Variants in RHEB observed in about 807,000 individuals in gnomAD.
The protein encoded by RHEB is GTP-binding protein Rheb.
RHEB carries 2 observed loss-of-function variants against 28.8 expected under a neutral mutation model. The observed-to-expected ratio is 0.07, with a 90% confidence interval of 0.03 to 0.22. The LOEUF is 0.22. RHEB is among the 10% of genes least tolerant of loss of function. The pLI, the probability that RHEB is intolerant of heterozygous loss-of-function variation, is 1.00. For missense variants in RHEB, 76 were observed against 219.9 expected (o/e 0.35, Z 4.14); for synonymous variants, 69 against 77.3 (o/e 0.89, Z 0.56).
At position 151,519,885 on chromosome 7, in the gene RHEB, A is replaced by T. The variant is rs1407119500; in HGVS notation, c.-374T>A. 1.1e-5 allele frequency: 2 copies of T among 184,772 alleles called. No homozygotes were observed. Among genetic ancestry groups the T allele is most frequent in the Non-Finnish European group, 2.2e-5 (2 of 89,204 alleles). 11.4% of individuals were successfully genotyped at this position (184,772 alleles called of 1,614,324 possible). On this transcript the variant is annotated 5_prime_UTR_variant, in exon 1 of 8. An upstream start codon of the reference 5' UTR is lost. Transcript: ENST00000262187. ...AGTCACGACTGAAACTCGCTGCGTC[A>T]TGACCCTCCCACCTTCTTCCGCCGC...
intron 3 of RHEB, among the ~76,000 whole-genome samples, chr7:151,482,784 T>C (rs1802401423): frequency 6.6e-6 from 1 of 152,150 alleles, no homozygotes; most frequent in Admixed American, 6.5e-5. Flanking sequence ...GTTTAGGCAA[T>C]AAATTATATA....
At chr7:151,506,590 T>C (rs1802884184) in intron 1 of RHEB, among the ~76,000 whole-genome samples, 1 of 152,166 alleles carries the variant, frequency 6.6e-6, no homozygotes, top group Admixed American at 6.5e-5. Context: ...TAGGCAGAAA[T>C]AATCCGCTTA....
Position 151,472,669 on chromosome 7 carries a change from C to T in RHEB, c.276-1064G>A, listed in dbSNP as rs577720842. Among the ~76,000 whole-genome samples the T allele has an allele frequency of 2.0e-5, 3 of 152,224 alleles. No homozygotes were observed. Among genetic ancestry groups the T allele is most frequent in the Admixed American group, 6.5e-5 (1 of 15,296 alleles). ...CAGACATCCTATCTCGCATGTGTGT[C>T]GTTTTACTGTTTGTCTCCCACACCA... On this transcript the variant is annotated intron_variant, in intron 4 of 7. Coordinates refer to ENST00000262187, the MANE Select transcript of RHEB (RefSeq NM_005614.4). This position sits in a 1 kb window ranked among gnomAD's most constrained non-coding sequence, Gnocchi z 5.2.
intron 1 of RHEB, among the ~76,000 whole-genome samples, chr7:151,492,838 ATTTTT>A (rs538597333): frequency 1.6e-5 from 2 of 125,180 alleles, no homozygotes; most frequent in African/African-American, 3.0e-5. Context: ...AATTCTCAAC[ATTTTT>A]TTTTTTTTTT....
At chr7:151,498,739 G>C (rs1031309079) in intron 1 of RHEB, among the ~76,000 whole-genome samples, 2 of 152,150 alleles carry the variant, frequency 1.3e-5, no homozygotes, top group Admixed American at 1.3e-4. Flanking sequence ...CCTCCAGCTC[G>C]GTTACACATT....
chr7:151,496,133 A>C (rs551144674), intron 1 of RHEB, among the ~76,000 whole-genome samples: 1 of 152,264 alleles, frequency 6.6e-6, no homozygotes, highest in Non-Finnish European at 1.5e-5. Context: ...CACCACCTCA[A>C]ATTCACAACA....
At chr7:151,509,688 G>A (rs551906300) in intron 1 of RHEB, among the ~76,000 whole-genome samples, 1 of 152,160 alleles carries the variant, frequency 6.6e-6, no homozygotes, top group East Asian at 1.9e-4. Context: ...GCCAAATTTG[G>A]CCTACAGCCT....
chr7:151,480,209 G>A (rs938308352), intron 3 of RHEB, among the ~76,000 whole-genome samples: 5 of 152,056 alleles, frequency 3.3e-5, no homozygotes, highest in Admixed American at 2.6e-4. Flanking sequence ...ACAACGTCCG[G>A]GATGTTCATT....
chr7:151,488,609 G>A (rs544444058), intron 2 of RHEB, among the ~76,000 whole-genome samples: 1 of 152,124 alleles, frequency 6.6e-6, no homozygotes, highest in Non-Finnish European at 1.5e-5. Context: ...TCAGAAGTGT[G>A]GTAAGTAGAA....
intron 3 of RHEB, among the ~76,000 whole-genome samples, chr7:151,477,689 C>T (rs1034790386): frequency 6.6e-6 from 1 of 152,208 alleles, no homozygotes; most frequent in Non-Finnish European, 1.5e-5. Flanking sequence ...ATGGATGGAA[C>T]ACAAAAATCA....
chr7:151,518,405 C>T lies in RHEB; in HGVS notation c.52+1055G>A, dbSNP rs1040293971. ...TCCGCAATCACGGGAGCCTCGGAAC[C>T]CTCGCTTTCACCTCCCCATCCCCTC... On this transcript the variant is annotated intron_variant, in intron 1 of 7. Transcript: ENST00000262187. 3.9e-5 allele frequency among the ~76,000 whole-genome samples: 6 copies of T among 152,258 alleles called. No homozygotes were observed. In the East Asian group the frequency reaches 5.8e-4, roughly 15 times the overall value.
At chr7:151,477,201 G>C in intron 4 of RHEB, 132 bp downstream of exon 4, 1 of 667,772 alleles carries the variant, frequency 1.5e-6, no homozygotes, top group Non-Finnish European at 2.6e-6. Context: ...GTTGCTCCAC[G>C]AGAAAATCAC....
At chr7:151,516,232 G>A (rs547870909) in intron 1 of RHEB, among the ~76,000 whole-genome samples, 15 of 152,176 alleles carry the variant, frequency 9.9e-5, no homozygotes, top group Non-Finnish European at 1.9e-4. Context: ...AAAAGTACAG[G>A]GGACTGGCAG....
chr7:151,474,304 C>T (rs1441923231), intron 4 of RHEB, among the ~76,000 whole-genome samples: 1 of 152,038 alleles, frequency 6.6e-6, no homozygotes, highest in African/African-American at 2.4e-5. Context: ...CCTCAGCCTC[C>T]CGAGCAGCTG....
chr7:151,475,624 T>A (rs1014207474), intron 4 of RHEB, among the ~76,000 whole-genome samples: 15 of 152,334 alleles, frequency 9.8e-5, no homozygotes, highest in African/African-American at 2.9e-4. Flanking sequence ...AAAGTGCTCT[T>A]ATAAGTCAGT....
intron 2 of RHEB, among the ~76,000 whole-genome samples, chr7:151,487,800 A>G (rs1428149366): frequency 1.3e-5 from 2 of 152,158 alleles, no homozygotes. Context: ...TCTTTGAATC[A>G]CCAGAGAATC....
intron 3 of RHEB, among the ~76,000 whole-genome samples, chr7:151,483,354 G>T (rs986568788): frequency 3.9e-5 from 6 of 152,172 alleles, no homozygotes; most frequent in Admixed American, 3.3e-4. Context: ...CAGAAAAATA[G>T]CCCCCATTTA....
At chr7:151,505,169 C>T (rs200780793) in intron 1 of RHEB, among the ~76,000 whole-genome samples, 1 of 142,526 alleles carries the variant, frequency 7.0e-6, no homozygotes, top group Non-Finnish European at 1.5e-5. Flanking sequence ...ATAAACAAAA[C>T]AAAAAAAAAA....
At chr7:151,484,478 A>G (rs1802432406) in intron 3 of RHEB, among the ~76,000 whole-genome samples, 1 of 152,218 alleles carries the variant, frequency 6.6e-6, no homozygotes, top group Non-Finnish European at 1.5e-5. Context: ...TTGACTTATG[A>G]TGGGGTTACA....
Sources: gnomAD v4.1 joint callset for allele counts (sites outside exome capture counted in the v4.1 genomes callset) on GRCh38, gnomAD v4.1.1 for gene constraint, Gnocchi (gnomAD v3.1) non-coding constraint, MANE v1.5 for transcripts, NCBI Gene and HGNC (gene_info 2026-07-23, HGNC 2026-07-21) for gene names.